The following PEX14 variants were observed in gnomAD, a reference collection of about 807,000 sequenced individuals.
PEX14 encodes the protein peroxisomal biogenesis factor 14.
A neutral mutation model predicts 49.5 loss-of-function variants in PEX14; 15 were observed. That is an observed-to-expected ratio of 0.30 (90% CI 0.20 to 0.47). The LOEUF (loss-of-function observed/expected upper bound fraction) is 0.47, where lower values mean the gene tolerates loss of function less well. Among genes scored for constraint, PEX14 ranks in the 20% least tolerant of loss-of-function variants. The probability of loss-of-function intolerance (pLI) is 1.00; values close to 1 mark genes in which losing one functional copy is unlikely to be tolerated. For synonymous variants in PEX14, 210 were observed against 212.7 expected (o/e 0.99, Z 0.11); for missense variants, 398 against 494.8 (o/e 0.80, Z 1.86).
chr1:10,501,430 C>T (rs1055097462), intron 2 of PEX14, among the ~76,000 whole-genome samples: 3 of 152,146 alleles, frequency 2.0e-5, no homozygotes, highest in South Asian at 2.1e-4. Flanking sequence ...CTCAGCCTCC[C>T]GAGTAGCTGG....
intron 3 of PEX14, among the ~76,000 whole-genome samples, chr1:10,571,056 C>T (rs1326972072): frequency 2.2e-5 from 3 of 137,498 alleles, no homozygotes; most frequent in Non-Finnish European, 3.1e-5. Context: ...GGGATTTTGC[C>T]ATGTTGCCCA....
chr1:10,498,759 T>G (rs1277345251), intron 2 of PEX14, among the ~76,000 whole-genome samples: 1 of 152,200 alleles, frequency 6.6e-6, no homozygotes, highest in Non-Finnish European at 1.5e-5. Context: ...CAAGTTGAAA[T>G]TCTCTGTTGT....
At chr1:10,547,857 C>G (rs897169669) in intron 3 of PEX14, among the ~76,000 whole-genome samples, 1 of 152,036 alleles carries the variant, frequency 6.6e-6, no homozygotes, top group Non-Finnish European at 1.5e-5. Flanking sequence ...TGATATACTT[C>G]CAGTTTGTCC....
intron 4 of PEX14, chr1:10,617,120 A>G (rs1641446953): frequency 2.0e-5 from 3 of 152,148 alleles, no homozygotes; most frequent in Non-Finnish European, 4.4e-5. Flanking sequence ...ATCTCTAAAA[A>G]GATTACTTAA....
At position 10,544,661 on chromosome 1, in the gene PEX14, C is replaced by T. The variant is rs906720089; in HGVS notation, c.169+8364C>T. On this transcript the variant is annotated intron_variant, in intron 3 of 8. Transcript: ENST00000356607. ...GCCCAGCATCCCCAAAAGTTTCCTCCTACCCCTTGGTAATCCCTTCCTCCT... is the reference window on the plus strand; with the variant it reads ...GCCCAGCATCCCCAAAAGTTTCCTCTTACCCCTTGGTAATCCCTTCCTCCT... 4.6e-5 allele frequency among the ~76,000 whole-genome samples: 7 copies of T among 152,320 alleles called. No homozygotes were observed. The East Asian group carries it at 1.2e-3, about 25-fold the overall frequency.
rs1019586381 is a variant in PEX14 at position 10,494,188 on chromosome 1, T to C, written c.37-1086T>C. 6.6e-6 allele frequency among the ~76,000 whole-genome samples: 1 copy of C among 152,222 alleles called. No individual in the cohort carries two copies. Among genetic ancestry groups the C allele is most frequent in the African/African-American group, 2.4e-5 (1 of 41,466 alleles). The stretch of plus-strand genomic sequence containing the variant: ...CCCAGCAGAGTGCTTGCCACTGTGC[T>C]GTGTGCCAGCTAATGTGGTAGTAGC... On this transcript the variant is annotated intron_variant, in intron 1 of 8. Coordinates refer to ENST00000356607, the MANE Select transcript of PEX14 (RefSeq NM_004565.3). The surrounding 1 kb of genome is among the most constrained non-coding windows in gnomAD (Gnocchi z 4.3).
In PEX14 at chr1:10,589,172, C is replaced by G. The variant is rs141261830; in HGVS notation, c.170-10066C>G. 8.5e-5 allele frequency among the ~76,000 whole-genome samples: 13 copies of G among 152,290 alleles called. 1 individual carries two copies. Among genetic ancestry groups the G allele is most frequent in the African/African-American group, 3.1e-4 (13 of 41,564 alleles). ...AGTAGAGCCCACATTTTCCGTCACA[C>G]TGAAACAGATCTTTGGTTTAATACC... On this transcript the variant is annotated intron_variant, in intron 3 of 8. Coordinates refer to ENST00000356607, the MANE Select transcript of PEX14 (RefSeq NM_004565.3).
At chr1:10,563,321 C>T (rs892746410) in intron 3 of PEX14, among the ~76,000 whole-genome samples, 8 of 150,826 alleles carry the variant, frequency 5.3e-5, no homozygotes, top group African/African-American at 1.7e-4. Flanking sequence ...TATTTCAGGC[C>T]GGGCGCGGTT....
chr1:10,507,288 C>T (rs181441218), intron 2 of PEX14, among the ~76,000 whole-genome samples: 3 of 152,354 alleles, frequency 2.0e-5, no homozygotes, highest in African/African-American at 4.8e-5. Context: ...CGGTGTGGAC[C>T]GCGCTGTCAG....
In PEX14 at chr1:10,622,481, T is replaced by C. The variant is rs143913373; in HGVS notation, c.385-538T>C. Among the ~76,000 whole-genome samples, 328 of 152,314 alleles carry C rather than the reference T, an allele frequency of 2.2e-3. 1 individual carries two copies. The highest frequency in any genetic ancestry group is 7.5e-3 in the African/African-American group (310 of 41,558). ...AGAACCAAGGGTCCCAGAAATGTGTTGTTGATTTTCCTTTAGTTTCTCCAG... is the reference window on the plus strand; with the variant it reads ...AGAACCAAGGGTCCCAGAAATGTGTCGTTGATTTTCCTTTAGTTTCTCCAG... On this transcript the variant is annotated intron_variant, in intron 5 of 8. Coordinates refer to ENST00000356607, the MANE Select transcript of PEX14 (RefSeq NM_004565.3).
chr1:10,619,315 A>ATTTTTT (rs60523076), intron 5 of PEX14, among the ~76,000 whole-genome samples: 2 of 129,038 alleles, frequency 1.5e-5, no homozygotes, highest in African/African-American at 2.9e-5. Context: ...CTGATTGGTG[A>ATTTTTT]TTTTTTTTTT....
At chr1:10,578,518 C>G (rs1640215743) in intron 3 of PEX14, among the ~76,000 whole-genome samples, 1 of 152,102 alleles carries the variant, frequency 6.6e-6, no homozygotes. Flanking sequence ...CAAACTATCA[C>G]CTTCAACATC....
At chr1:10,527,475 C>T (rs1319669546) in intron 2 of PEX14, among the ~76,000 whole-genome samples, 1 of 149,548 alleles carries the variant, frequency 6.7e-6, no homozygotes, top group African/African-American at 2.5e-5. Flanking sequence ...CGAGATCACG[C>T]CACTGCACTC....
chr1:10,476,934 G>T (rs1294239343), intron 1 of PEX14, among the ~76,000 whole-genome samples: 1 of 152,108 alleles, frequency 6.6e-6, no homozygotes. Flanking sequence ...AATAGAAAAG[G>T]ATCTAAGGTC....
chr1:10,575,109 CAG>C (rs1167888704), intron 3 of PEX14, among the ~76,000 whole-genome samples: 2 of 150,280 alleles, frequency 1.3e-5, no homozygotes, highest in African/African-American at 2.4e-5. Flanking sequence ...AAAAAGGAAA[CAG>C]AATTGACAAT....
At chr1:10,617,386 C>T (rs1025391135) in intron 4 of PEX14, among the ~76,000 whole-genome samples, 1 of 152,184 alleles carries the variant, frequency 6.6e-6, no homozygotes, top group African/African-American at 2.4e-5. Context: ...CCCTGATTCA[C>T]ATCCCCCAGT....
At chr1:10,627,195 C>G (rs1641773220) in intron 7 of PEX14, 77 bp from the exon 8 acceptor site, 4 of 966,130 alleles carry the variant, frequency 4.1e-6, no homozygotes, top group Admixed American at 3.4e-5. Context: ...CTGCCCCCAC[C>G]CAGGTCCTCC....
rs916235700 is a variant in PEX14 at position 10,628,123 on chromosome 1, G to T, written c.677+760G>T. Among the ~76,000 whole-genome samples, 1 of 152,102 alleles carries T rather than the reference G, an allele frequency of 6.6e-6. No homozygotes were observed. Among genetic ancestry groups the T allele is most frequent in the Non-Finnish European group, 1.5e-5 (1 of 68,020 alleles). On this transcript the variant is annotated intron_variant, in intron 8 of 8. Coordinates refer to ENST00000356607, the MANE Select transcript of PEX14 (RefSeq NM_004565.3). This position sits in a 1 kb window ranked among gnomAD's most constrained non-coding sequence, Gnocchi z 4.5. ...GCTAATTTTTGTATTTTTAGTAGAG[G>T]TGGGATTTTGCTATGTTGGCCAGGC... is the stretch of plus-strand genomic sequence containing the variant.
At chr1:10,557,849 T>A (rs12121311) in intron 3 of PEX14, among the ~76,000 whole-genome samples, 108,569 of 150,170 alleles carry the variant, frequency 0.72, 40,410 homozygotes, top group Non-Finnish European at 0.82. Flanking sequence ...TTTTTTTTTT[T>A]AATGATTTTA....
Sources: allele counts gnomAD v4.1 joint callset (sites outside exome capture counted in the v4.1 genomes callset), GRCh38; gene constraint gnomAD v4.1.1; non-coding constraint Gnocchi (gnomAD v3.1); transcripts MANE v1.5; gene names NCBI Gene and HGNC (gene_info 2026-07-23, HGNC 2026-07-21).